DSE: variants seen among roughly 807,000 people sequenced by gnomAD.
DSE encodes the protein dermatan sulfate epimerase, also known as dermatan-sulfate epimerase.
A neutral mutation model predicts 84.4 loss-of-function variants in DSE; 36 were observed. The observed-to-expected ratio is 0.43, with a 90% confidence interval of 0.33 to 0.56. The LOEUF (loss-of-function observed/expected upper bound fraction) is 0.56, where lower values mean the gene tolerates loss of function less well. DSE is among the 20% of genes least tolerant of loss of function. DSE has a pLI of 0.06. For missense variants in DSE, 862 were observed against 1,169.6 expected, an observed-to-expected ratio of 0.74 and a Z score of 3.84; for synonymous variants, 410 against 430.1, an observed-to-expected ratio of 0.95 and a Z score of 0.58.
At position 116,275,743 on chromosome 6, in the gene DSE, T is replaced by C. The variant is rs1370061140; in HGVS notation, c.-54+16776T>C. ...TGAAACCGGGAGGCGGAAGTTGCAGTGAGCCGAGATCGCGCCACTTGCGCT... is the reference window on the plus strand; with the variant it reads ...TGAAACCGGGAGGCGGAAGTTGCAGCGAGCCGAGATCGCGCCACTTGCGCT... On this transcript the variant is annotated intron_variant, in intron 2 of 3. Transcript: ENST00000430252. Among the ~76,000 whole-genome samples the C allele has an allele frequency of 6.1e-5, 9 of 148,360 alleles. No homozygotes were observed. In the Admixed American group the frequency reaches 6.1e-4, roughly 10 times the overall value.
At chr6:116,282,645 A>G (rs1277769213) in intron 2 of DSE, among the ~76,000 whole-genome samples, 1 of 152,208 alleles carries the variant, frequency 6.6e-6, no homozygotes, top group Admixed American at 6.5e-5. Context: ...TTAAAATTAG[A>G]AGTAATGTAT....
At chr6:116,415,542 C>T (rs1358037340) in intron 2 of DSE, among the ~76,000 whole-genome samples, 5 of 134,650 alleles carry the variant, frequency 3.7e-5, no homozygotes, top group Admixed American at 7.3e-5. Context: ...TTTCTTTTTT[C>T]TTTCTTTTTT....
At chr6:116,313,634 A>G (rs1775814662) in intron 2 of DSE, among the ~76,000 whole-genome samples, 3 of 152,258 alleles carry the variant, frequency 2.0e-5, no homozygotes, top group African/African-American at 4.8e-5. Flanking sequence ...AGAGTCACAC[A>G]TAGATCTTTT....
At chr6:116,259,505 T>C (rs1772312230) in intron 2 of DSE, among the ~76,000 whole-genome samples, 1 of 152,264 alleles carries the variant, frequency 6.6e-6, no homozygotes, top group Admixed American at 6.5e-5. Flanking sequence ...ACACATCTTT[T>C]TTCCCCACAT....
At chr6:116,366,686 T>C (rs955665839), upstream of DSE, 2 of 152,234 alleles carry the variant, frequency 1.3e-5, no homozygotes, top group Non-Finnish European at 2.9e-5. Context: ...AATGAGGCTT[T>C]AGACACAAAA....
intron 2 of DSE, among the ~76,000 whole-genome samples, chr6:116,357,393 A>G (rs1778641503): frequency 6.6e-6 from 1 of 152,032 alleles, no homozygotes; most frequent in Non-Finnish European, 1.5e-5. Context: ...TTAGCCGGGC[A>G]TGGTAGTGGG....
chr6:116,294,016 A>C (rs1774484871), intron 2 of DSE, among the ~76,000 whole-genome samples: 1 of 151,886 alleles, frequency 6.6e-6, no homozygotes, highest in African/African-American at 2.4e-5. Context: ...TTTTTAGAAA[A>C]ATTTATTATT....
At chr6:116,379,120 AATAT>A (rs766796668) in intron 1 of DSE, among the ~76,000 whole-genome samples, 8 of 152,236 alleles carry the variant, frequency 5.3e-5, no homozygotes, top group Admixed American at 1.3e-4. Context: ...TTTTTTTCTC[AATAT>A]CAAGATTAGG....
intron 2 of DSE, among the ~76,000 whole-genome samples, chr6:116,264,237 G>A (rs1023426653): frequency 2.0e-5 from 3 of 152,160 alleles, no homozygotes; most frequent in African/African-American, 7.2e-5. Flanking sequence ...CCAATGAGTT[G>A]TAGATTTGGT....
intron 2 of DSE, among the ~76,000 whole-genome samples, chr6:116,273,225 C>A (rs1305038494): frequency 6.6e-6 from 1 of 152,190 alleles, no homozygotes; most frequent in Non-Finnish European, 1.5e-5. Context: ...AAATTAGTAA[C>A]TTACTTAAAT....
At chr6:116,306,101 T>C (rs552373446) in intron 2 of DSE, among the ~76,000 whole-genome samples, 20 of 152,278 alleles carry the variant, frequency 1.3e-4, no homozygotes, top group Non-Finnish European at 1.6e-4. Context: ...TATCAGTATA[T>C]AAATGATATA....
intron 4 of DSE, 105 bp from the exon 5 acceptor site, chr6:116,433,238 T>C: frequency 9.2e-7 from 1 of 1,092,108 alleles, no homozygotes; most frequent in Non-Finnish European, 1.3e-6. Context: ...TCCCTTCCAT[T>C]ACACAATTCT....
At chr6:116,259,897 G>A (rs972528971) in intron 2 of DSE, among the ~76,000 whole-genome samples, 2 of 152,168 alleles carry the variant, frequency 1.3e-5, no homozygotes, top group Admixed American at 6.5e-5. Context: ...TCATTGATGA[G>A]CATTTAGGTT....
chr6:116,279,602 G>A (rs1582929756), intron 2 of DSE: 5 of 1,602,184 alleles, frequency 3.1e-6, no homozygotes, highest in East Asian at 2.2e-5. Flanking sequence ...GTACCGCCAC[G>A]GCCCGCGGCA....
intron 1 of DSE, among the ~76,000 whole-genome samples, chr6:116,372,162 C>A: frequency 6.6e-6 from 1 of 152,160 alleles, no homozygotes. Flanking sequence ...TTAAGTAATT[C>A]CCTCAAGTTT....
intron 1 of DSE, among the ~76,000 whole-genome samples, chr6:116,394,207 G>T (rs894434109): frequency 9.2e-5 from 14 of 152,192 alleles, no homozygotes; most frequent in African/African-American, 3.1e-4. Context: ...TCACAGAAAC[G>T]AAGTTTTTCT....
chr6:116,341,873 C>T (rs1777617603), intron 2 of DSE, among the ~76,000 whole-genome samples: 1 of 152,152 alleles, frequency 6.6e-6, no homozygotes, highest in Non-Finnish European at 1.5e-5. Context: ...GTACCAGTAC[C>T]ATGCTGTTTT....
chr6:116,267,857 TGAGA>T (rs149576222), intron 2 of DSE, among the ~76,000 whole-genome samples: 6,453 of 148,688 alleles, frequency 0.043, 212 homozygotes, highest in African/African-American at 0.092. Context: ...TGACAAAGCT[TGAGA>T]GAGAGAGAGA....
chr6:116,374,455 G>A (rs1012253355), intron 1 of DSE, among the ~76,000 whole-genome samples: 1 of 152,102 alleles, frequency 6.6e-6, no homozygotes, highest in Admixed American at 6.6e-5. Context: ...GAAGGAGTGG[G>A]TAGGGCACCT....
Sources: gnomAD v4.1 joint callset for allele counts (sites outside exome capture counted in the v4.1 genomes callset) on GRCh38, gnomAD v4.1.1 for gene constraint, MANE v1.5 for transcripts, NCBI Gene and HGNC (gene_info 2026-07-23, HGNC 2026-07-21) for gene names.